MYCBPAP: variants seen among roughly 807,000 people sequenced by gnomAD.
MYCBPAP encodes MYCBP-associated protein.
In MYCBPAP, 60 loss-of-function variants were observed where a neutral mutation model predicts 106.1. That is an observed-to-expected ratio of 0.57 (90% CI 0.46 to 0.70). The LOEUF is 0.70. MYCBPAP is among the 30% of genes least tolerant of loss of function. The probability of loss-of-function intolerance (pLI) is 0.00; values close to 1 mark genes in which losing one functional copy is unlikely to be tolerated. For synonymous variants in MYCBPAP, 407 were observed against 440.6 expected, an observed-to-expected ratio of 0.92 and a Z score of 0.95; for missense variants, 1,064 against 1,169.3, an observed-to-expected ratio of 0.91 and a Z score of 1.31.
In MYCBPAP at chr17:50,518,733, A is replaced by G. The variant is rs766608112; in HGVS notation, c.652+9A>G. On this transcript the variant is annotated intron_variant, in intron 5 of 18. Coordinates refer to ENST00000323776, the MANE Select transcript of MYCBPAP (RefSeq NM_032133.6). Reference sequence around the variant, plus strand: ...GCAGGAAGCCCTCAGCGGTGAGCAGAGCAGACAGGGCTCCCGCCCGGCCTC... The same window carrying G: ...GCAGGAAGCCCTCAGCGGTGAGCAGGGCAGACAGGGCTCCCGCCCGGCCTC... 6.4e-7 allele frequency: 1 copy of G among 1,564,724 alleles called. No homozygotes were observed. Among genetic ancestry groups the G allele is most frequent in the Non-Finnish European group, 8.6e-7 (1 of 1,158,822 alleles).
intron 1 of MYCBPAP, 62 bp downstream of exon 1, chr17:50,508,812 A>G: frequency 7.0e-7 from 1 of 1,426,438 alleles, no homozygotes; most frequent in Non-Finnish European, 9.7e-7. Context: ...CCCCGGAAAG[A>G]GTTCAGGACA....
At chr17:50,522,709 A>AAAAAAAATATATATATAT in intron 10 of MYCBPAP, 9 of 50,040 alleles carry the variant, frequency 1.8e-4, no homozygotes, top group African/African-American at 9.6e-4. Flanking sequence ...AAAAAAAAAA[A>AAAAAAAATATATATATAT]ATATATATAT....
chr17:50,519,927 C>A, intron 7 of MYCBPAP, 140 bp downstream of exon 7: 1 of 892,624 alleles, frequency 1.1e-6, no homozygotes, highest in Non-Finnish European at 1.6e-6. Context: ...TTAGGCAAGT[C>A]CCAGAGTCTT....
At chr17:50,508,148 C>A (rs1051107765), upstream of MYCBPAP, among the ~76,000 whole-genome samples, 4 of 152,194 alleles carry the variant, frequency 2.6e-5, no homozygotes, top group African/African-American at 4.8e-5. Context: ...CCGATCCCCC[C>A]CCAGAACCGC....
In MYCBPAP at chr17:50,521,323, A is replaced by G; in HGVS notation, c.1040A>G (p.Asp347Gly). Residue 347 changes from aspartate to glycine, a missense_variant, in exon 9 of 19, where the codon GAT becomes GGT. Asp to Gly is a moderately conservative substitution (Grantham distance 94, BLOSUM62 -1). Transcript: ENST00000323776. ...TTTCTCCATCTCTCGGAGGATATTG[A>G]TGGCCTGGAGGTGGTGGGCAAAGGG... ...EELDFSQQDI[D>G]GLEVVGKGWP... is the part of the protein sequence containing the mutation. The G allele has an allele frequency of 6.2e-7, 1 of 1,602,304 alleles. No individual in the cohort carries two copies. The highest frequency in any genetic ancestry group is 1.1e-5 in the South Asian group (1 of 88,888).
chr17:50,524,737 TGAGA>T (rs3840067), intron 12 of MYCBPAP, 136 bp from the exon 13 acceptor site: 241 of 461,956 alleles, frequency 5.2e-4, no homozygotes, highest in South Asian at 1.3e-3. Flanking sequence ...TGTGTGTGTG[TGAGA>T]GAGAGAGAGA....
At chr17:50,522,165 C>T (rs1367707150) in intron 10 of MYCBPAP, 84 bp downstream of exon 10, 3 of 1,101,320 alleles carry the variant, frequency 2.7e-6, no homozygotes. Flanking sequence ...CAGCAGCCTG[C>T]ACAGTCTCCT....
In MYCBPAP at chr17:50,518,550, C is replaced by A; in HGVS notation, c.478C>A (p.Arg160=). 1.3e-6 allele frequency: 2 copies of A among 1,575,968 alleles called. No homozygotes were observed. Among genetic ancestry groups the A allele is most frequent in the Middle Eastern group, 1.7e-4 (1 of 5,842 alleles). The change falls in exon 5 of 19, where the codon CGG becomes AGG. Residue 160 remains arginine, a synonymous_variant. Coordinates refer to ENST00000323776, the MANE Select transcript of MYCBPAP (RefSeq NM_032133.6). ...ATGTTGTACTTTTCAGCTGGCTGAGCGGATACCTACCTCACCCTGTCTGAT... is the reference window on the plus strand; with the variant it reads ...ATGTTGTACTTTTCAGCTGGCTGAGAGGATACCTACCTCACCCTGTCTGAT... ...LARGNTQLAE[R]IPTSPCLMTL... is the part of the protein sequence containing the mutation.
At chr17:50,515,788 C>T (rs1240873435) in intron 1 of MYCBPAP, 1 of 152,212 alleles carries the variant, frequency 6.6e-6, no homozygotes, top group Non-Finnish European at 1.5e-5. Flanking sequence ...CCAAGACTGT[C>T]CAGCTTATAA....
intron 10 of MYCBPAP, chr17:50,522,713 T>A (rs866781439): frequency 0.11 from 4,946 of 45,208 alleles, 349 homozygotes; most frequent in Non-Finnish European, 0.14. Flanking sequence ...AAAAAAAATA[T>A]ATATATATAT....
chr17:50,529,564 G>A, intron 18 of MYCBPAP: 1 of 388,044 alleles, frequency 2.6e-6, no homozygotes, highest in Non-Finnish European at 5.2e-6. Context: ...TGGGGAGCAG[G>A]TCATAGGGGT....
Position 50,524,932 on chromosome 17 carries a change from T to C in MYCBPAP, c.1691T>C (p.Leu564Pro). 6.2e-7 allele frequency: 1 copy of C among 1,614,070 alleles called. No homozygotes were observed. Among genetic ancestry groups the C allele is most frequent in the Non-Finnish European group, 8.5e-7 (1 of 1,180,034 alleles). Residue 564 changes from leucine to proline, a missense_variant, in exon 13 of 19, where the codon CTG (leucine) becomes CCG (proline). Transcript: ENST00000323776. ...GTCGTTCGCGAAGTGCTGCAGGAGC[T>C]GCTGATGGGGGTCTTGACCCCGGAG... is the stretch of plus-strand genomic sequence containing the variant. ...VTVVREVLQE[L>P]LMGVLTPERT...
chr17:50,524,430 T>G (rs1367606468), intron 12 of MYCBPAP, among the ~76,000 whole-genome samples: 1 of 152,194 alleles, frequency 6.6e-6, no homozygotes, highest in African/African-American at 2.4e-5. Flanking sequence ...ATGCTTGCTT[T>G]ACTCATTGAC....
At chr17:50,527,922 C>T (rs1182555623) in intron 15 of MYCBPAP, among the ~76,000 whole-genome samples, 1 of 152,186 alleles carries the variant, frequency 6.6e-6, no homozygotes, top group Non-Finnish European at 1.5e-5. Flanking sequence ...TCATGCAGGC[C>T]TCCTAACCCT....
At chr17:50,528,862 G>A in intron 17 of MYCBPAP, 22 bp downstream of exon 17, 1 of 1,611,980 alleles carries the variant, frequency 6.2e-7, no homozygotes, top group Non-Finnish European at 8.5e-7. Context: ...CGTGGTCTGG[G>A]CCAGGTGGGG....
chr17:50,519,419 T>G, intron 6 of MYCBPAP: 1 of 616,302 alleles, frequency 1.6e-6, no homozygotes, highest in Non-Finnish European at 2.8e-6. Flanking sequence ...ACCAGTGCAG[T>G]ACCTGTACCA....
At chr17:50,524,009 A>G (rs534920157) in intron 12 of MYCBPAP, among the ~76,000 whole-genome samples, 14 of 152,368 alleles carry the variant, frequency 9.2e-5, no homozygotes, top group Admixed American at 3.9e-4. Flanking sequence ...AATGCCATGC[A>G]TGGCCCCACT....
rs1434997065 is a variant in MYCBPAP at position 50,516,599 on chromosome 17, C to T, written c.106C>T (p.Pro36Ser). Reference protein sequence around the residue: ...EKKRAKGPEQPTPTIQEEPEP... With the variant: ...EKKRAKGPEQSTPTIQEEPEP... Reference sequence around the variant, plus strand: ...GAAGCGGGCAAAGGGACCTGAACAACCCACACCCACAATTCAGGAAGAGCC... The same window carrying T: ...GAAGCGGGCAAAGGGACCTGAACAATCCACACCCACAATTCAGGAAGAGCC... The change falls in exon 2 of 19, where the codon CCC becomes TCC. Residue 36 changes from proline (P) to serine (S), a missense_variant. Pro to Ser is a moderately conservative substitution (Grantham distance 74). Transcript: ENST00000323776. 2 of 1,614,164 alleles carry T rather than the reference C, an allele frequency of 1.2e-6. No homozygotes were observed. Among genetic ancestry groups the T allele is most frequent in the Non-Finnish European group, 1.7e-6 (2 of 1,180,038 alleles).
At chr17:50,508,341 CGCGGGG>C, upstream of MYCBPAP, 3 of 482,664 alleles carry the variant, frequency 6.2e-6, no homozygotes, top group Non-Finnish European at 1.1e-5. Context: ...TCCCGCAACT[CGCGGGG>C]GTCCTCGCCC....
Sources: allele counts gnomAD v4.1 joint callset (sites outside exome capture counted in the v4.1 genomes callset), GRCh38; gene constraint gnomAD v4.1.1; transcripts MANE v1.5; gene names NCBI Gene and HGNC (gene_info 2026-07-23, HGNC 2026-07-21).